The following HDAC9 variants were observed in gnomAD, a reference collection of about 807,000 sequenced individuals.
The protein encoded by HDAC9 is MEF-2 interacting transcription repressor (MITR) protein.
Under a neutral mutation model 139.4 loss-of-function variants are expected in HDAC9, and 41 were observed. The observed-to-expected ratio is 0.29, with a 90% CI of 0.23 to 0.38. The LOEUF (loss-of-function observed/expected upper bound fraction) is 0.38. HDAC9 is among the 10% of genes least tolerant of loss of function. The probability of loss-of-function intolerance (pLI) is 1.00; values close to 1 mark genes in which losing one functional copy is unlikely to be tolerated. For synonymous variants in HDAC9, 517 were observed against 476.2 expected, an observed-to-expected ratio of 1.09 and a Z score of -1.12; for missense variants, 1,147 against 1,297.0, an observed-to-expected ratio of 0.88 and a Z score of 1.78.
chr7:18,789,419 A>G (rs1792116948), intron 16 of HDAC9, among the ~76,000 whole-genome samples: 1 of 152,182 alleles, frequency 6.6e-6, no homozygotes, highest in Non-Finnish European at 1.5e-5. Context: ...ATGACAAAGC[A>G]TATTTTTTCA....
At chr7:18,101,615 CT>C (rs1468844306) in intron 1 of HDAC9, among the ~76,000 whole-genome samples, 14 of 152,116 alleles carry the variant, frequency 9.2e-5, no homozygotes, top group Non-Finnish European at 2.1e-4. Context: ...TATTCTACAT[CT>C]TTCTTTTCAG....
intron 1 of HDAC9, among the ~76,000 whole-genome samples, chr7:18,292,206 T>C (rs1797851879): frequency 6.6e-6 from 1 of 152,110 alleles, no homozygotes; most frequent in Non-Finnish European, 1.5e-5. Flanking sequence ...CCTATATCCC[T>C]ATATAATACT....
intron 1 of HDAC9, among the ~76,000 whole-genome samples, chr7:18,118,524 T>C (rs1784162817): frequency 1.3e-5 from 2 of 152,222 alleles, no homozygotes; most frequent in South Asian, 4.1e-4. Context: ...CCTTATTTTC[T>C]AGCTTGCTTG....
chr7:18,657,252 C>G (rs1791532616), intron 11 of HDAC9, among the ~76,000 whole-genome samples: 1 of 152,024 alleles, frequency 6.6e-6, no homozygotes, highest in South Asian at 2.1e-4. Flanking sequence ...CTGATTGTTT[C>G]CTTTGTTGGT....
chr7:18,307,443 A>C (rs1562861517), intron 1 of HDAC9, among the ~76,000 whole-genome samples: 1 of 152,178 alleles, frequency 6.6e-6, no homozygotes. Flanking sequence ...TCTTGTTACC[A>C]TGTCATTTTC....
At chr7:18,859,744 C>T (rs1797949743) in intron 21 of HDAC9, among the ~76,000 whole-genome samples, 1 of 138,524 alleles carries the variant, frequency 7.2e-6, no homozygotes, top group Non-Finnish European at 1.5e-5. Flanking sequence ...TTTCTTTTTC[C>T]TTATTTTTAT....
At chr7:18,105,799 T>C (rs1783158040) in intron 1 of HDAC9, among the ~76,000 whole-genome samples, 1 of 152,190 alleles carries the variant, frequency 6.6e-6, no homozygotes, top group African/African-American at 2.4e-5. Flanking sequence ...TGTCCATTTA[T>C]AATAGCCAGA....
intron 1 of HDAC9, among the ~76,000 whole-genome samples, chr7:18,343,648 A>G (rs1227662224): frequency 6.6e-6 from 1 of 151,874 alleles, no homozygotes; most frequent in Non-Finnish European, 1.5e-5. Flanking sequence ...AGCAAAATAT[A>G]AAACATAGAA....
At chr7:18,441,700 CTCT>C (rs1791775608) in intron 1 of HDAC9, among the ~76,000 whole-genome samples, 1 of 152,224 alleles carries the variant, frequency 6.6e-6, no homozygotes, top group African/African-American at 2.4e-5. Flanking sequence ...AAGAATCCCT[CTCT>C]TCTTCCACCT....
At chr7:18,280,861 CATTT>C (rs1274430347) in intron 2 of HDAC9, among the ~76,000 whole-genome samples, 6 of 152,120 alleles carry the variant, frequency 3.9e-5, no homozygotes, top group African/African-American at 1.2e-4. Flanking sequence ...TCCATTTAAT[CATTT>C]ATTTAGGCAT....
At chr7:18,805,194 G>A (rs898925320) in intron 17 of HDAC9, among the ~76,000 whole-genome samples, 2 of 152,212 alleles carry the variant, frequency 1.3e-5, no homozygotes, top group Non-Finnish European at 2.9e-5. Context: ...TGCAAGAGAA[G>A]GGGAAGGACA....
intron 23 of HDAC9, among the ~76,000 whole-genome samples, chr7:18,951,534 C>T (rs1358384020): frequency 6.6e-6 from 1 of 151,694 alleles, no homozygotes; most frequent in African/African-American, 2.4e-5. Context: ...TGTACTATTT[C>T]CTACATTTGC....
At chr7:18,932,054 A>G (rs564046166) in intron 22 of HDAC9, among the ~76,000 whole-genome samples, 5 of 152,310 alleles carry the variant, frequency 3.3e-5, no homozygotes, top group African/African-American at 1.2e-4. Flanking sequence ...ATGATGCAAA[A>G]TGTTAATATG....
At chr7:18,253,908 C>T (rs943156692) in intron 2 of HDAC9, among the ~76,000 whole-genome samples, 2 of 152,138 alleles carry the variant, frequency 1.3e-5, no homozygotes, top group African/African-American at 4.8e-5. Flanking sequence ...CTTTCCTTAG[C>T]CAAAATTTAA....
At chr7:18,354,118 T>C (rs569589607) in intron 1 of HDAC9, among the ~76,000 whole-genome samples, 7 of 152,278 alleles carry the variant, frequency 4.6e-5, no homozygotes, top group South Asian at 4.1e-4. Flanking sequence ...TATCATCATA[T>C]AGGGTGTGGA....
intron 2 of HDAC9, among the ~76,000 whole-genome samples, chr7:18,282,089 T>G (rs990957611): frequency 6.6e-5 from 10 of 152,098 alleles, no homozygotes; most frequent in African/African-American, 2.2e-4. Flanking sequence ...TAAGAAATAT[T>G]GAAAGAAACA....
intron 12 of HDAC9, among the ~76,000 whole-genome samples, chr7:18,714,144 A>G (rs1342430901): frequency 6.6e-6 from 1 of 152,230 alleles, no homozygotes; most frequent in East Asian, 1.9e-4. Context: ...GCATCTTTGT[A>G]AAGTGGTAGA....
chr7:18,529,646 G>A (rs200443458), intron 2 of HDAC9, among the ~76,000 whole-genome samples: 1 of 152,300 alleles, frequency 6.6e-6, no homozygotes, highest in Non-Finnish European at 1.5e-5. Flanking sequence ...TATACATTAT[G>A]TAGTTTATTT....
chr7:18,885,464 T>C (rs1485949978), intron 22 of HDAC9, among the ~76,000 whole-genome samples: 3 of 152,226 alleles, frequency 2.0e-5, no homozygotes, highest in African/African-American at 4.8e-5. Context: ...TGTATTAATA[T>C]CATTTTTTAA....
Sources: gnomAD v4.1 joint callset for allele counts (sites outside exome capture counted in the v4.1 genomes callset) on GRCh38, gnomAD v4.1.1 for gene constraint, MANE v1.5 for transcripts, NCBI Gene and HGNC (gene_info 2026-07-23, HGNC 2026-07-21) for gene names.